The following PRKAR1B variants were observed in gnomAD, a reference collection of about 807,000 sequenced individuals.
The protein encoded by PRKAR1B is cAMP-dependent protein kinase type I-beta regulatory subunit.
PRKAR1B carries 22 observed loss-of-function variants against 46.5 expected under a neutral mutation model. The ratio of observed to expected loss-of-function variants is 0.47; its 90% CI spans 0.34 to 0.68. PRKAR1B has a LOEUF of 0.68. Ranked by LOEUF, PRKAR1B falls within the 30% of genes least tolerant of loss-of-function variation. The pLI is 0.01. For missense variants in PRKAR1B, 445 were observed against 535.6 expected, an observed-to-expected ratio of 0.83 and a Z score of 1.67; for synonymous variants, 259 against 217.7, an observed-to-expected ratio of 1.19 and a Z score of -1.67.
At chr7:724,332 G>T (rs1781174921) in intron 1 of PRKAR1B, among the ~76,000 whole-genome samples, 1 of 152,182 alleles carries the variant, frequency 6.6e-6, no homozygotes, top group East Asian at 1.9e-4. Context: ...GGAGGTAACT[G>T]AATAATGGGG....
At chr7:611,185 C>G (rs1403110664) in intron 4 of PRKAR1B, among the ~76,000 whole-genome samples, 1 of 152,244 alleles carries the variant, frequency 6.6e-6, no homozygotes, top group South Asian at 2.1e-4. Flanking sequence ...CTATCATGAA[C>G]GCTCCTCCAC....
chr7:582,825 A>G (rs1204550428), intron 8 of PRKAR1B, among the ~76,000 whole-genome samples: 1 of 152,266 alleles, frequency 6.6e-6, no homozygotes, highest in Non-Finnish European at 1.5e-5. Context: ...GGACGCCCAG[A>G]CGGGCGGCAG....
In PRKAR1B at chr7:562,214, C is replaced by T. The variant is rs148407326; in HGVS notation, c.892-10744G>A. Among the ~76,000 whole-genome samples, 238 of 152,084 alleles carry T rather than the reference C, an allele frequency of 1.6e-3. 2 individuals are homozygous for T. Among genetic ancestry groups the T allele is most frequent in the African/African-American group, 5.3e-3 (221 of 41,504 alleles). On this transcript the variant is annotated intron_variant, in intron 9 of 10. Coordinates refer to ENST00000537384, the MANE Select transcript of PRKAR1B (RefSeq NM_001164760.2). ...TCCGGGGAACCAGGGCGAGCACAGGCCCCAGGCTACAGAGGCTCCTGCTGC... is the reference window on the plus strand; with the variant it reads ...TCCGGGGAACCAGGGCGAGCACAGGTCCCAGGCTACAGAGGCTCCTGCTGC...
chr7:720,003 T>C (rs1285193879), intron 1 of PRKAR1B, among the ~76,000 whole-genome samples: 4 of 151,830 alleles, frequency 2.6e-5, no homozygotes, highest in Non-Finnish European at 5.9e-5. Flanking sequence ...CTGCTGTTGA[T>C]GGTAAGTGTG....
At chr7:687,654 G>C (rs1328462960) in intron 2 of PRKAR1B, among the ~76,000 whole-genome samples, 1 of 152,180 alleles carries the variant, frequency 6.6e-6, no homozygotes, top group Non-Finnish European at 1.5e-5. Flanking sequence ...CGTTTGAAGA[G>C]ATCATGATGA....
At chr7:665,698 A>C (rs1785873632) in intron 4 of PRKAR1B, among the ~76,000 whole-genome samples, 1 of 152,228 alleles carries the variant, frequency 6.6e-6, no homozygotes, top group Non-Finnish European at 1.5e-5. Context: ...GTTGCCCGAA[A>C]GGGAAGCAGA....
At chr7:704,064 A>G (rs1359794838) in intron 2 of PRKAR1B, among the ~76,000 whole-genome samples, 1 of 152,204 alleles carries the variant, frequency 6.6e-6, no homozygotes, top group Admixed American at 6.6e-5. Context: ...ATATAGTTAG[A>G]ACAGTGCTTT....
In PRKAR1B at chr7:694,852, A is replaced by C. The variant is rs190046101; in HGVS notation, c.178-14126T>G. ...GAAGTTCGAGACCAGCCTGGCCAAA[A>C]TGGTGAAACCCCATCTCTATTAAAA... On this transcript the variant is annotated intron_variant, in intron 2 of 10. Transcript: ENST00000537384. Among the ~76,000 whole-genome samples, 676 of 152,214 alleles carry C rather than the reference A, an allele frequency of 4.4e-3. 3 individuals are homozygous for C. The highest frequency in any genetic ancestry group is 7.5e-3 in the Admixed American group (115 of 15,288).
At chr7:695,526 G>A (rs1336828810) in intron 2 of PRKAR1B, among the ~76,000 whole-genome samples, 1 of 152,216 alleles carries the variant, frequency 6.6e-6, no homozygotes, top group African/African-American at 2.4e-5. Flanking sequence ...GGAGACTGCA[G>A]TGGAGGCAGA....
intron 4 of PRKAR1B, among the ~76,000 whole-genome samples, chr7:659,269 G>A (rs567582957): frequency 1.3e-4 from 20 of 152,298 alleles, no homozygotes; most frequent in South Asian, 4.1e-4. Flanking sequence ...AGCCAGGTAC[G>A]GTAGGGGGTG....
intron 7 of PRKAR1B, among the ~76,000 whole-genome samples, chr7:585,537 G>A (rs748119569): frequency 2.0e-5 from 3 of 152,244 alleles, no homozygotes; most frequent in East Asian, 3.9e-4. Flanking sequence ...GAGTCAGACC[G>A]AGAGACGACA....
At chr7:706,990 C>T (rs959608831) in intron 2 of PRKAR1B, among the ~76,000 whole-genome samples, 5 of 152,250 alleles carry the variant, frequency 3.3e-5, no homozygotes, top group African/African-American at 1.2e-4. Context: ...TCACCCTCTC[C>T]ACCAGGGCTG....
intron 1 of PRKAR1B, among the ~76,000 whole-genome samples, chr7:713,445 T>A (rs1047024282): frequency 2.0e-5 from 3 of 151,882 alleles, no homozygotes; most frequent in African/African-American, 4.8e-5. Flanking sequence ...CATCTTCACC[T>A]GTCTCCCACT....
intron 6 of PRKAR1B, among the ~76,000 whole-genome samples, chr7:597,126 G>A (rs1047530214): frequency 4.6e-5 from 7 of 152,240 alleles, no homozygotes; most frequent in Non-Finnish European, 8.8e-5. Flanking sequence ...CACAATACAC[G>A]CTTTATCCCC....
chr7:692,369 C>T (rs527956778), intron 2 of PRKAR1B, among the ~76,000 whole-genome samples: 1 of 152,248 alleles, frequency 6.6e-6, no homozygotes, highest in African/African-American at 2.4e-5. Context: ...CATGGCACTC[C>T]AGCCTGGGCA....
chr7:681,137 T>G (rs1778659243), intron 2 of PRKAR1B, among the ~76,000 whole-genome samples: 1 of 152,066 alleles, frequency 6.6e-6, no homozygotes. Context: ...TCAGCACTTC[T>G]CCTTCCTGCT....
At chr7:705,109 T>A (rs905502643) in intron 2 of PRKAR1B, among the ~76,000 whole-genome samples, 30 of 151,904 alleles carry the variant, frequency 2.0e-4, no homozygotes, top group African/African-American at 7.0e-4. Context: ...CTGGCCAACA[T>A]GGTGAAACCC....
Position 716,201 on chromosome 7 carries a change from CCA to C in PRKAR1B, c.-22-4676_-22-4675del, listed in dbSNP as rs1402937193. On this transcript the variant is annotated intron_variant, in intron 1 of 10. Transcript: ENST00000537384. Reference sequence around the variant, plus strand: ...TAGTTGGGATCACAGGTGCACACCGCCACACCTGGTACTTAAAAACATTTTTT... The same window carrying C: ...TAGTTGGGATCACAGGTGCACACCGCCACCTGGTACTTAAAAACATTTTTT... 2.6e-5 allele frequency among the ~76,000 whole-genome samples: 4 copies of C among 151,124 alleles called. No homozygotes were observed. In the East Asian group the frequency reaches 7.8e-4, roughly 29 times the overall value.
intron 2 of PRKAR1B, among the ~76,000 whole-genome samples, chr7:691,068 C>A (rs930120551): frequency 5.3e-5 from 8 of 150,730 alleles, no homozygotes; most frequent in African/African-American, 9.9e-5. Context: ...CCCACCCACA[C>A]TGGCCAGTCC....
Sources: gnomAD v4.1 joint callset for allele counts (sites outside exome capture counted in the v4.1 genomes callset) on GRCh38, gnomAD v4.1.1 for gene constraint, MANE v1.5 for transcripts, NCBI Gene and HGNC (gene_info 2026-07-23, HGNC 2026-07-21) for gene names.